SPIDR: variants seen among roughly 807,000 people sequenced by gnomAD.
SPIDR encodes DNA repair-scaffolding protein.
In SPIDR, 93 loss-of-function variants were observed where a neutral mutation model predicts 104.6. The observed-to-expected ratio is 0.89, with a 90% CI of 0.75 to 1.06. SPIDR has a LOEUF of 1.06. Ranked by LOEUF, SPIDR falls within the 50% of genes least tolerant of loss-of-function variation. The pLI is 0.00. For missense variants in SPIDR, 1,154 were observed against 1,111.2 expected (o/e 1.04, Z -0.55); for synonymous variants, 431 against 416.9 (o/e 1.03, Z -0.41).
intron 6 of SPIDR, among the ~76,000 whole-genome samples, chr8:47,397,856 A>C (rs2154313892): frequency 6.6e-6 from 1 of 152,248 alleles, no homozygotes; most frequent in East Asian, 1.9e-4. Flanking sequence ...GGAATAGGAG[A>C]GACAGATTTT....
intron 6 of SPIDR, among the ~76,000 whole-genome samples, chr8:47,403,658 C>G (rs1306086710): frequency 1.3e-5 from 2 of 152,070 alleles, no homozygotes; most frequent in Admixed American, 6.6e-5. Flanking sequence ...ATGTGAAGGA[C>G]CTCTTCAAGG....
At chr8:47,504,908 G>A (rs1168653870) in intron 8 of SPIDR, among the ~76,000 whole-genome samples, 1 of 152,224 alleles carries the variant, frequency 6.6e-6, no homozygotes, top group East Asian at 1.9e-4. Context: ...TCCAGACCCT[G>A]TTTGCCTGGA....
intron 8 of SPIDR, among the ~76,000 whole-genome samples, chr8:47,584,652 A>G (rs982029657): frequency 6.6e-6 from 1 of 152,232 alleles, no homozygotes; most frequent in African/African-American, 2.4e-5. Context: ...TTCTAAATAC[A>G]CACATACACT....
intron 5 of SPIDR, among the ~76,000 whole-genome samples, chr8:47,392,690 G>T (rs1265402387): frequency 6.6e-6 from 1 of 152,156 alleles, no homozygotes; most frequent in African/African-American, 2.4e-5. Flanking sequence ...GGACTTCATG[G>T]TTTTCATGAT....
intron 1 of SPIDR, among the ~76,000 whole-genome samples, chr8:47,273,024 C>G (rs2035649592): frequency 6.6e-6 from 1 of 152,198 alleles, no homozygotes; most frequent in African/African-American, 2.4e-5. Flanking sequence ...CAGTACACTT[C>G]TATGCCCAGA....
chr8:47,616,699 A>T (rs1288670788), intron 10 of SPIDR, among the ~76,000 whole-genome samples: 1 of 152,218 alleles, frequency 6.6e-6, no homozygotes, highest in Non-Finnish European at 1.5e-5. Context: ...TGCGAAGATA[A>T]TACAGAGCAT....
intron 8 of SPIDR, among the ~76,000 whole-genome samples, chr8:47,445,195 C>A (rs1293183204): frequency 6.6e-5 from 10 of 152,182 alleles, no homozygotes; most frequent in Admixed American, 6.5e-4. Context: ...CTGAATCCAA[C>A]AAGTCTACCA....
intron 11 of SPIDR, 84 bp from the exon 12 acceptor site, chr8:47,700,319 C>G (rs1209199818): frequency 4.4e-6 from 6 of 1,362,122 alleles, no homozygotes; most frequent in Non-Finnish European, 5.3e-6. Flanking sequence ...GCATTAGAGT[C>G]TGTTAAGCAT....
At chr8:47,685,501 A>ATTTTTTTTTTTTTTTTTTTTTTTTT (rs1326028640) in intron 11 of SPIDR, among the ~76,000 whole-genome samples, 1 of 110,230 alleles carries the variant, frequency 9.1e-6, no homozygotes, top group Non-Finnish European at 2.2e-5. Flanking sequence ...TTATTTATTT[A>ATTTTTTTTTTTTTTTTTTTTTTTTT]TTTATTTATT....
chr8:47,466,621 G>A (rs992215703), intron 8 of SPIDR, among the ~76,000 whole-genome samples: 4 of 151,914 alleles, frequency 2.6e-5, no homozygotes, highest in Non-Finnish European at 5.9e-5. Context: ...AGCACTTTGG[G>A]AGGCCAAGGC....
rs2034315814 is a variant in SPIDR, at chr8:47,267,364, G to A, written c.33+6373G>A. ...TATATGCATTTTTATGTAGACCTAA[G>A]TTTTTCTTTCTCTAGCAGTGGAATT... is the stretch of plus-strand genomic sequence containing the variant. On this transcript the variant is annotated intron_variant, in intron 1 of 19. Transcript: ENST00000297423. 2.0e-5 allele frequency among the ~76,000 whole-genome samples: 3 copies of A among 152,078 alleles called. 1 individual carries two copies. In the South Asian group the frequency reaches 6.2e-4, roughly 31 times the overall value.
At chr8:47,664,765 AAATT>A (rs2074663648) in intron 10 of SPIDR, among the ~76,000 whole-genome samples, 1 of 150,854 alleles carries the variant, frequency 6.6e-6, no homozygotes, top group African/African-American at 2.4e-5. Context: ...AAAAAAAAAA[AAATT>A]AGCCAGGTGT....
At position 47,331,968 on chromosome 8, in the gene SPIDR, TTTTTTTTTTTTTTTTTTTCTC is replaced by T. The variant is rs1563646480; in HGVS notation, c.525+37957_525+37977del. Among the ~76,000 whole-genome samples the T allele has an allele frequency of 5.0e-3, 313 of 63,224 alleles. 2 individuals carry two copies. Among genetic ancestry groups the T allele is most frequent in the African/African-American group, 0.022 (229 of 10,568 alleles). 41.5% of individuals were successfully genotyped at this position (63,224 alleles called of 152,430 possible). A position where few individuals can be genotyped will look rare whatever the true frequency, so the allele number is the denominator to read the frequency against. ...CTATTTAAAAAATTTTTTTAAACTT[TTTTTTTTTTTTTTTTTTTCTC>T]TTTTTTTTTTTTTTTTTTTTTTATT... On this transcript the variant is annotated intron_variant, in intron 5 of 19. Coordinates refer to ENST00000297423, the MANE Select transcript of SPIDR (RefSeq NM_001080394.4).
chr8:47,399,697 G>C (rs986026283), intron 6 of SPIDR, among the ~76,000 whole-genome samples: 4 of 152,170 alleles, frequency 2.6e-5, no homozygotes, highest in Non-Finnish European at 4.4e-5. Flanking sequence ...GGATGGTCCA[G>C]GGGCACACTA....
At chr8:47,561,515 A>G (rs566244797) in intron 8 of SPIDR, among the ~76,000 whole-genome samples, 2 of 152,320 alleles carry the variant, frequency 1.3e-5, no homozygotes, top group South Asian at 2.1e-4. Context: ...TTTAGCTGCT[A>G]CTTCTCTGCT....
chr8:47,696,848 C>T (rs886175028), intron 11 of SPIDR, among the ~76,000 whole-genome samples: 15 of 152,208 alleles, frequency 9.9e-5, no homozygotes, highest in Non-Finnish European at 2.1e-4. Context: ...GAATTTCTGC[C>T]GTGGAAGGTG....
intron 5 of SPIDR, among the ~76,000 whole-genome samples, chr8:47,319,342 C>G (rs1174568151): frequency 6.6e-6 from 1 of 152,124 alleles, no homozygotes; most frequent in Non-Finnish European, 1.5e-5. Flanking sequence ...TCAAAAGAGA[C>G]AAAGCAGGCC....
intron 10 of SPIDR, among the ~76,000 whole-genome samples, chr8:47,626,254 C>T (rs1396507912): frequency 1.3e-5 from 2 of 152,160 alleles, no homozygotes; most frequent in Non-Finnish European, 2.9e-5. Context: ...GGATTAAAGA[C>T]TTACATGTTA....
chr8:47,552,849 C>G (rs2090754875), intron 8 of SPIDR, among the ~76,000 whole-genome samples: 1 of 152,128 alleles, frequency 6.6e-6, no homozygotes, highest in African/African-American at 2.4e-5. Flanking sequence ...CAGTTTCTTC[C>G]TAGCATTGAT....
Sources: allele counts gnomAD v4.1 joint callset (sites outside exome capture counted in the v4.1 genomes callset), GRCh38; gene constraint gnomAD v4.1.1; transcripts MANE v1.5; gene names NCBI Gene and HGNC (gene_info 2026-07-23, HGNC 2026-07-21).